Variants in CWC27 observed in about 807,000 individuals in gnomAD.
The protein encoded by CWC27 is spliceosome-associated protein CWC27 homolog.
A neutral mutation model predicts 63.6 loss-of-function variants in CWC27; 47 were observed. The observed-to-expected ratio is 0.74, with a 90% confidence interval of 0.58 to 0.94. The LOEUF (loss-of-function observed/expected upper bound fraction) is 0.94, where lower values mean the gene tolerates loss of function less well. Among genes scored for constraint, CWC27 ranks in the 40% least tolerant of loss-of-function variants. The pLI, the probability that CWC27 is intolerant of heterozygous loss-of-function variation, is 0.00. For missense variants in CWC27, 495 were observed against 554.3 expected (o/e 0.89, Z 1.07); for synonymous variants, 175 against 179.8 (o/e 0.97, Z 0.22).
At chr5:64,775,619 C>T (rs950674250) in intron 2 of CWC27, among the ~76,000 whole-genome samples, 1 of 152,186 alleles carries the variant, frequency 6.6e-6, no homozygotes, top group Non-Finnish European at 1.5e-5. Flanking sequence ...CTCCACACAG[C>T]CTTCCAGCTA....
chr5:64,793,522 T>C (rs1744150169), intron 7 of CWC27, among the ~76,000 whole-genome samples: 1 of 152,154 alleles, frequency 6.6e-6, no homozygotes, highest in South Asian at 2.1e-4. Flanking sequence ...CTACCAGCAC[T>C]GTTCAAATAC....
intron 11 of CWC27, among the ~76,000 whole-genome samples, chr5:64,913,512 G>A (rs1376345819): frequency 6.6e-6 from 1 of 151,948 alleles, no homozygotes; most frequent in East Asian, 1.9e-4. Flanking sequence ...GAGTATACCT[G>A]ATAGCTGAGT....
intron 10 of CWC27, among the ~76,000 whole-genome samples, chr5:64,863,282 A>T (rs1746454639): frequency 6.6e-6 from 1 of 152,108 alleles, no homozygotes; most frequent in African/African-American, 2.4e-5. Context: ...GGGATGGGTG[A>T]TACTGTGATG....
chr5:65,011,398 A>G (rs1006435046), intron 13 of CWC27, among the ~76,000 whole-genome samples: 8 of 152,242 alleles, frequency 5.3e-5, no homozygotes, highest in Admixed American at 1.3e-4. Flanking sequence ...AGATCAGGAA[A>G]GGAATCAGGA....
intron 13 of CWC27, among the ~76,000 whole-genome samples, chr5:64,986,909 A>T (rs1349746160): frequency 3.3e-5 from 5 of 152,014 alleles, no homozygotes; most frequent in South Asian, 2.1e-4. Context: ...TAATACATCT[A>T]AAAAAAATCA....
intron 10 of CWC27, among the ~76,000 whole-genome samples, chr5:64,858,044 A>C (rs1746296756): frequency 7.4e-6 from 1 of 135,902 alleles, no homozygotes; most frequent in African/African-American, 2.8e-5. Context: ...AGGCTGAGGC[A>C]GGAGAATGGC....
intron 11 of CWC27, among the ~76,000 whole-genome samples, chr5:64,890,117 C>T (rs1747192750): frequency 6.6e-6 from 1 of 152,112 alleles, no homozygotes; most frequent in South Asian, 2.1e-4. Context: ...GTGTTAGGTC[C>T]TCTTTCAAAG....
At chr5:64,776,686 T>C (rs1417904178) in intron 2 of CWC27, among the ~76,000 whole-genome samples, 1 of 152,118 alleles carries the variant, frequency 6.6e-6, no homozygotes, top group African/African-American at 2.4e-5. Context: ...TTCAAAAATA[T>C]AATCCAGAAA....
chr5:64,776,377 G>A (rs114183383), intron 2 of CWC27, among the ~76,000 whole-genome samples: 168 of 152,232 alleles, frequency 1.1e-3, no homozygotes, highest in Non-Finnish European at 2.0e-3. Flanking sequence ...CCATGACCAG[G>A]TGAATGGAAG....
chr5:64,862,947 G>C (rs113452152), intron 10 of CWC27, among the ~76,000 whole-genome samples: 1 of 152,188 alleles, frequency 6.6e-6, no homozygotes, highest in Non-Finnish European at 1.5e-5. Context: ...TTTTTTATAA[G>C]AGCATTAAAC....
rs35936421 is a variant in CWC27 at position 64,942,438 on chromosome 5, T to TAA, written c.1043-29244_1043-29243dup. On this transcript the variant is annotated intron_variant, in intron 11 of 13. Transcript: ENST00000381070. ...GTGACAGAGCAAGACCCTATCTCTT[T>TAA]AAAAAAAAAAAAAAAAAAAAAAGAT... Among the ~76,000 whole-genome samples, 957 of 96,476 alleles carry TAA rather than the reference T, an allele frequency of 9.9e-3. 20 individuals carry two copies. The highest frequency in any genetic ancestry group is 0.039 in the African/African-American group (890 of 23,044). 63.3% of individuals were successfully genotyped at this position (96,476 alleles called of 152,430 possible).
chr5:64,805,141 C>A (rs998886890), intron 10 of CWC27, among the ~76,000 whole-genome samples: 6 of 151,844 alleles, frequency 4.0e-5, no homozygotes, highest in East Asian at 1.9e-4. Flanking sequence ...TGTTTCTCAA[C>A]CACATGTAGA....
chr5:64,790,048 C>T (rs1364885623), intron 7 of CWC27, among the ~76,000 whole-genome samples: 1 of 152,068 alleles, frequency 6.6e-6, no homozygotes, highest in African/African-American at 2.4e-5. Context: ...CTTAATACCC[C>T]TTGCATTAAA....
Position 64,840,377 on chromosome 5 carries a change from AAAAAAAAAAAAAAAAAAATATATATATAT to A in CWC27, c.938+35993_938+36021del, listed in dbSNP as rs1279633340. 3.4e-3 allele frequency among the ~76,000 whole-genome samples: 222 copies of A among 65,796 alleles called. 2 individuals are homozygous for A. Among genetic ancestry groups the A allele is most frequent in the African/African-American group, 0.014 (214 of 15,332 alleles). The allele number at this position is 65,796 out of a possible 152,430, so 43.2% of individuals were successfully genotyped here. On this transcript the variant is annotated intron_variant, in intron 10 of 13. Transcript: ENST00000381070. ...CCTTTTTCATTAAAAAAAAAAAAAA[AAAAAAAAAAAAAAAAAAATATATATATAT>A]ATATATATATATATATATATATATA...
chr5:64,824,692 A>G (rs1580644707), intron 10 of CWC27, among the ~76,000 whole-genome samples: 2 of 146,328 alleles, frequency 1.4e-5, no homozygotes, highest in Admixed American at 1.4e-4. Flanking sequence ...TTTCCTCTAG[A>G]AGGCACCCCC....
chr5:64,822,355 A>G (rs536320784), intron 10 of CWC27, among the ~76,000 whole-genome samples: 3 of 152,200 alleles, frequency 2.0e-5, no homozygotes, highest in Non-Finnish European at 4.4e-5. Flanking sequence ...TCTATATAAA[A>G]CACAAGATTA....
intron 11 of CWC27, among the ~76,000 whole-genome samples, chr5:64,920,004 C>T (rs534921634): frequency 2.7e-4 from 41 of 152,268 alleles, no homozygotes; most frequent in South Asian, 8.3e-4. Context: ...CCACAGTGGC[C>T]GAACTAATTT....
At chr5:64,934,735 C>A (rs559419836) in intron 11 of CWC27, among the ~76,000 whole-genome samples, 1 of 152,182 alleles carries the variant, frequency 6.6e-6, no homozygotes, top group Non-Finnish European at 1.5e-5. Context: ...TAAAAGCATT[C>A]GTAATTCTCC....
intron 11 of CWC27, among the ~76,000 whole-genome samples, chr5:64,953,505 C>T (rs1201334843): frequency 1.7e-4 from 26 of 151,880 alleles, no homozygotes; most frequent in Admixed American, 1.0e-3. Flanking sequence ...TCAGTGAGAA[C>T]GTGTCTGTAA....
Sources: gnomAD v4.1 joint callset for allele counts (sites outside exome capture counted in the v4.1 genomes callset) on GRCh38, gnomAD v4.1.1 for gene constraint, MANE v1.5 for transcripts, NCBI Gene and HGNC (gene_info 2026-07-23, HGNC 2026-07-21) for gene names.